EYS: variants seen among roughly 807,000 people sequenced by gnomAD.
The protein encoded by EYS is EGF-like photoreceptor maintenance factor.
Under a neutral mutation model 282.1 loss-of-function variants are expected in EYS, and 250 were observed. The ratio of observed to expected loss-of-function variants is 0.89; its 90% CI spans 0.80 to 0.98. EYS has a LOEUF of 0.98. Ranked by LOEUF, EYS falls within the 50% of genes least tolerant of loss-of-function variation. The pLI is 0.00. For missense variants in EYS, 4,016 were observed against 3,709.0 expected, an observed-to-expected ratio of 1.08 and a Z score of -2.15; for synonymous variants, 1,355 against 1,282.9, an observed-to-expected ratio of 1.06 and a Z score of -1.20.
chr6:64,054,273 C>T (rs1178926345), intron 33 of EYS, among the ~76,000 whole-genome samples: 1 of 152,024 alleles, frequency 6.6e-6, no homozygotes, highest in South Asian at 2.1e-4. Context: ...GAGTTGGGAC[C>T]AGTCTAGGCT....
At chr6:63,779,663 A>G (rs1186898410) in intron 39 of EYS, among the ~76,000 whole-genome samples, 2 of 152,044 alleles carry the variant, frequency 1.3e-5, no homozygotes, top group Non-Finnish European at 2.9e-5. Context: ...AACCAGAAAT[A>G]AGGTCTTTAA....
chr6:64,231,279 C>T (rs1417496936), intron 30 of EYS, among the ~76,000 whole-genome samples: 1 of 152,106 alleles, frequency 6.6e-6, no homozygotes. Context: ...CTTAGAAATA[C>T]CCATAAATAT....
At chr6:64,807,526 C>T (rs1764467566) in intron 22 of EYS, among the ~76,000 whole-genome samples, 2 of 152,016 alleles carry the variant, frequency 1.3e-5, no homozygotes, top group Non-Finnish European at 1.5e-5. Flanking sequence ...TTTTAAATAA[C>T]ATATATAGTT....
chr6:63,994,251 A>G (rs1767732252), intron 34 of EYS, among the ~76,000 whole-genome samples: 1 of 151,976 alleles, frequency 6.6e-6, no homozygotes, highest in South Asian at 2.1e-4. Flanking sequence ...TTTACACTAT[A>G]TAATTACACG....
At chr6:65,029,610 C>A (rs1368662237) in intron 13 of EYS, among the ~76,000 whole-genome samples, 1 of 152,030 alleles carries the variant, frequency 6.6e-6, no homozygotes, top group Non-Finnish European at 1.5e-5. Context: ...GCAAGACCAA[C>A]CTCTCCTCTT....
chr6:64,584,801 G>A (rs539639679), intron 26 of EYS, among the ~76,000 whole-genome samples: 6 of 152,024 alleles, frequency 3.9e-5, no homozygotes, highest in South Asian at 4.2e-4. Flanking sequence ...TTTCTTTAAC[G>A]ATGCTTAAGA....
chr6:65,369,920 C>T (rs1415837580), intron 8 of EYS, among the ~76,000 whole-genome samples: 1 of 151,690 alleles, frequency 6.6e-6, no homozygotes, highest in Non-Finnish European at 1.5e-5. Flanking sequence ...AATTATGGCA[C>T]TGACAACCCA....
intron 33 of EYS, among the ~76,000 whole-genome samples, chr6:64,035,805 CT>C (rs1337478882): frequency 5.9e-5 from 9 of 152,028 alleles, no homozygotes; most frequent in African/African-American, 1.9e-4. Context: ...ATTTTTATCT[CT>C]TTAAATTCTA....
intron 13 of EYS, among the ~76,000 whole-genome samples, chr6:64,999,009 G>T (rs1460303927): frequency 6.6e-6 from 1 of 151,956 alleles, no homozygotes; most frequent in African/African-American, 2.4e-5. Context: ...GACAACAAAA[G>T]GTCACTTTGA....
chr6:64,518,265 A>G (rs1777622497), intron 26 of EYS, among the ~76,000 whole-genome samples: 2 of 151,790 alleles, frequency 1.3e-5, no homozygotes, highest in South Asian at 4.1e-4. Context: ...AAAACAAAAC[A>G]TAACACCTTA....
intron 35 of EYS, among the ~76,000 whole-genome samples, chr6:63,921,554 C>T (rs779742936): frequency 3.3e-5 from 5 of 152,186 alleles, no homozygotes; most frequent in South Asian, 2.1e-4. Context: ...CTCCCGCTGA[C>T]GCATCTGTGA....
intron 35 of EYS, among the ~76,000 whole-genome samples, chr6:63,973,175 G>A (rs868217225): frequency 5.9e-5 from 9 of 152,086 alleles, no homozygotes; most frequent in Non-Finnish European, 1.2e-4. Context: ...TCCACCAACA[G>A]TGTAAAAGCA....
At chr6:64,625,032 G>T (rs113190042) in intron 23 of EYS, among the ~76,000 whole-genome samples, 127 of 152,164 alleles carry the variant, frequency 8.3e-4, no homozygotes, top group African/African-American at 2.9e-3. Flanking sequence ...ATCATGACTG[G>T]CTCAATAACT....
chr6:65,170,595 T>A (rs1765082716), intron 12 of EYS, among the ~76,000 whole-genome samples: 1 of 151,530 alleles, frequency 6.6e-6, no homozygotes, highest in Admixed American at 6.6e-5. Context: ...GTACAAGGTT[T>A]CCAAAATGTC....
At chr6:64,029,418 G>A (rs1381370591) in intron 33 of EYS, among the ~76,000 whole-genome samples, 2 of 152,220 alleles carry the variant, frequency 1.3e-5, no homozygotes, top group African/African-American at 2.4e-5. Context: ...TACTTATGAT[G>A]TAAATGGCAT....
rs1416850534 is a variant in EYS at position 63,828,082 on chromosome 6, G to A, written c.7229-21710C>T. Among the ~76,000 whole-genome samples, 6 of 152,206 alleles carry A rather than the reference G, an allele frequency of 3.9e-5. No homozygotes were observed. The East Asian group carries it at 1.2e-3, about 29-fold the overall frequency. ...AATCTATCAAAACCTCTGGGGTACAGCAAAGACAGTGCTATAAGGAAAGTT... is the reference window on the plus strand; with the variant it reads ...AATCTATCAAAACCTCTGGGGTACAACAAAGACAGTGCTATAAGGAAAGTT... On this transcript the variant is annotated intron_variant, in intron 36 of 42. Transcript: ENST00000503581.
intron 30 of EYS, among the ~76,000 whole-genome samples, chr6:64,259,695 C>T (rs1767522375): frequency 6.7e-6 from 1 of 149,114 alleles, no homozygotes; most frequent in African/African-American, 2.5e-5. Flanking sequence ...TCTGTGTGTG[C>T]ATGTTGTCTC....
At chr6:65,215,118 T>C (rs1766279013) in intron 12 of EYS, among the ~76,000 whole-genome samples, 1 of 152,156 alleles carries the variant, frequency 6.6e-6, no homozygotes, top group African/African-American at 2.4e-5. Flanking sequence ...AAGGAGTAAT[T>C]ATAACTTTCA....
chr6:65,299,181 A>T (rs1289690328), intron 11 of EYS, among the ~76,000 whole-genome samples: 1 of 152,114 alleles, frequency 6.6e-6, no homozygotes, highest in Non-Finnish European at 1.5e-5. Context: ...CAGTCTGATT[A>T]AAAAATCTGT....
Sources: gnomAD v4.1 joint callset for allele counts (sites outside exome capture counted in the v4.1 genomes callset) on GRCh38, gnomAD v4.1.1 for gene constraint, MANE v1.5 for transcripts, NCBI Gene and HGNC (gene_info 2026-07-23, HGNC 2026-07-21) for gene names.